The following LDB2 variants were observed in gnomAD, a reference collection of about 807,000 sequenced individuals.
LDB2 encodes LIM domain-binding protein 2.
LDB2 carries 12 observed loss-of-function variants against 44.3 expected under a neutral mutation model. That is an observed-to-expected ratio of 0.27 (90% confidence interval 0.17 to 0.44). The LOEUF (loss-of-function observed/expected upper bound fraction) is 0.44, where lower values mean the gene tolerates loss of function less well. Among genes scored for constraint, LDB2 ranks in the 20% least tolerant of loss-of-function variants. The probability of loss-of-function intolerance (pLI) is 1.00; values close to 1 mark genes in which losing one functional copy is unlikely to be tolerated. For synonymous variants in LDB2, 164 were observed against 174.8 expected, an observed-to-expected ratio of 0.94 and a Z score of 0.49; for missense variants, 344 against 473.5, an observed-to-expected ratio of 0.73 and a Z score of 2.54.
At position 16,773,838 on chromosome 4, in the gene LDB2, G is replaced by A. The variant is rs115958670; in HGVS notation, c.133-14578C>T. On this transcript the variant is annotated intron_variant, in intron 1 of 7. Coordinates refer to ENST00000304523, the MANE Select transcript of LDB2 (RefSeq NM_001290.5). ...CAGCCTCGAACTCCTGGACGCGAGG[G>A]ATTCTCCCATCTCAGCCTCAAGAGT... is the stretch of plus-strand genomic sequence containing the variant. Among the ~76,000 whole-genome samples, 1,004 of 151,870 alleles carry A rather than the reference G, an allele frequency of 6.6e-3. 5 individuals carry two copies. Among genetic ancestry groups the A allele is most frequent in the Middle Eastern group, 0.024 (7 of 294 alleles).
intron 5 of LDB2, among the ~76,000 whole-genome samples, chr4:16,580,436 T>C (rs187040006): frequency 9.8e-5 from 15 of 152,324 alleles, no homozygotes; most frequent in Non-Finnish European, 1.6e-4. Context: ...TGGAATGACC[T>C]GAAGTCCCCA....
intron 5 of LDB2, among the ~76,000 whole-genome samples, chr4:16,572,309 T>C (rs1746842085): frequency 6.6e-6 from 1 of 152,192 alleles, no homozygotes; most frequent in Non-Finnish European, 1.5e-5. Context: ...CCATCTGCAC[T>C]TAACTTGCAA....
chr4:16,523,742 C>T (rs745413070), intron 5 of LDB2, among the ~76,000 whole-genome samples: 5 of 151,974 alleles, frequency 3.3e-5, no homozygotes, highest in Non-Finnish European at 5.9e-5. Context: ...ATGTTCCAGG[C>T]GGGACAAAGG....
chr4:16,617,601 C>T (rs556383561), intron 2 of LDB2, among the ~76,000 whole-genome samples: 36 of 152,098 alleles, frequency 2.4e-4, no homozygotes, highest in Non-Finnish European at 4.1e-4. Context: ...GGATGGCTGC[C>T]AAGGAGCCAT....
chr4:16,839,744 T>C (rs1026553778), intron 1 of LDB2, among the ~76,000 whole-genome samples: 1 of 152,184 alleles, frequency 6.6e-6, no homozygotes, highest in Non-Finnish European at 1.5e-5. Context: ...AAGATACTAT[T>C]ATTTAGAGAT....
intron 5 of LDB2, among the ~76,000 whole-genome samples, chr4:16,569,110 T>C (rs1745522250): frequency 6.6e-6 from 1 of 152,214 alleles, no homozygotes; most frequent in African/African-American, 2.4e-5. Flanking sequence ...TTCAAGAATT[T>C]GGTAGGTGGC....
chr4:16,606,416 G>A (rs1723952069), intron 2 of LDB2, among the ~76,000 whole-genome samples: 1 of 152,184 alleles, frequency 6.6e-6, no homozygotes, highest in Non-Finnish European at 1.5e-5. Flanking sequence ...TCAAAATGCT[G>A]TTACCAATTT....
chr4:16,789,806 C>T (rs1775303587), intron 1 of LDB2, among the ~76,000 whole-genome samples: 1 of 152,134 alleles, frequency 6.6e-6, no homozygotes, highest in African/African-American at 2.4e-5. Flanking sequence ...ATGGCATACG[C>T]CTGTAGTCCC....
At chr4:16,842,020 C>T (rs1480297295) in intron 1 of LDB2, among the ~76,000 whole-genome samples, 1 of 152,144 alleles carries the variant, frequency 6.6e-6, no homozygotes, top group Non-Finnish European at 1.5e-5. Context: ...AGGTGTATTG[C>T]TGGGTACCTC....
chr4:16,516,421 T>G (rs1723756365), intron 5 of LDB2, among the ~76,000 whole-genome samples: 1 of 152,230 alleles, frequency 6.6e-6, no homozygotes. Flanking sequence ...AGCTTCCTCC[T>G]AAGTATCAAG....
chr4:16,896,304 C>T (rs1017736532), intron 1 of LDB2, among the ~76,000 whole-genome samples: 3 of 152,100 alleles, frequency 2.0e-5, no homozygotes, highest in Non-Finnish European at 2.9e-5. Flanking sequence ...GTTTAGCTCT[C>T]ACAAAAAATA....
At chr4:16,511,762 G>C (rs1290736377) in intron 6 of LDB2, among the ~76,000 whole-genome samples, 3 of 152,186 alleles carry the variant, frequency 2.0e-5, no homozygotes, top group Non-Finnish European at 4.4e-5. Flanking sequence ...CTGAGTTGCA[G>C]GTCCTAATCT....
chr4:16,817,203 T>C (rs1369730252), intron 1 of LDB2, among the ~76,000 whole-genome samples: 2 of 152,240 alleles, frequency 1.3e-5, no homozygotes, highest in Non-Finnish European at 2.9e-5. Flanking sequence ...TTCTAAATCT[T>C]GAACTTTACG....
intron 2 of LDB2, among the ~76,000 whole-genome samples, chr4:16,677,331 T>C (rs1219214109): frequency 6.6e-6 from 1 of 152,314 alleles, no homozygotes; most frequent in East Asian, 1.9e-4. Flanking sequence ...CATATGTGCA[T>C]AAAATACGTT....
intron 1 of LDB2, among the ~76,000 whole-genome samples, chr4:16,875,543 C>A (rs1718110152): frequency 6.6e-6 from 1 of 152,130 alleles, no homozygotes; most frequent in African/African-American, 2.4e-5. Flanking sequence ...TAGAGTGAAT[C>A]ATCTGTCTAG....
chr4:16,632,054 GAA>G (rs1381300631), intron 2 of LDB2, among the ~76,000 whole-genome samples: 1 of 152,112 alleles, frequency 6.6e-6, no homozygotes, highest in Non-Finnish European at 1.5e-5. Flanking sequence ...CCAATCAATA[GAA>G]AAAGAGGGAA....
intron 2 of LDB2, among the ~76,000 whole-genome samples, chr4:16,702,104 T>C (rs1258887712): frequency 1.4e-4 from 22 of 151,992 alleles, no homozygotes; most frequent in Admixed American, 1.4e-3. Context: ...ACTCTAGAAA[T>C]CTATAAATGA....
chr4:16,539,019 C>T (rs557539551), intron 5 of LDB2, among the ~76,000 whole-genome samples: 1 of 152,250 alleles, frequency 6.6e-6, no homozygotes, highest in South Asian at 2.1e-4. Flanking sequence ...AAGACTCAGT[C>T]CCCAATCTTA....
chr4:16,605,961 A>ATTT (rs1315710904), intron 2 of LDB2, among the ~76,000 whole-genome samples: 76 of 152,222 alleles, frequency 5.0e-4, no homozygotes, highest in Admixed American at 1.3e-3. Flanking sequence ...GGAATATCAA[A>ATTT]CTTTATTTGT....
Sources: gnomAD v4.1 joint callset for allele counts (sites outside exome capture counted in the v4.1 genomes callset) on GRCh38, gnomAD v4.1.1 for gene constraint, MANE v1.5 for transcripts, NCBI Gene and HGNC (gene_info 2026-07-23, HGNC 2026-07-21) for gene names.